Variants in PHACTR4 observed in about 807,000 individuals in gnomAD.
The protein encoded by PHACTR4 is protein phosphatase 1, regulatory subunit 124.
In PHACTR4, 51 loss-of-function variants were observed where a neutral mutation model predicts 72.7. The ratio of observed to expected loss-of-function variants is 0.70; its 90% CI spans 0.56 to 0.89. PHACTR4 has a LOEUF of 0.89. Among genes scored for constraint, PHACTR4 ranks in the 40% least tolerant of loss-of-function variants. The pLI, the probability that PHACTR4 is intolerant of heterozygous loss-of-function variation, is 0.00. For missense variants in PHACTR4, 731 were observed against 861.8 expected (o/e 0.85, Z 1.90); for synonymous variants, 255 against 302.5 (o/e 0.84, Z 1.63).
At chr1:28,378,339 TA>T (rs564072221) in intron 1 of PHACTR4, among the ~76,000 whole-genome samples, 202 of 134,908 alleles carry the variant, frequency 1.5e-3, no homozygotes, top group South Asian at 4.6e-3. Flanking sequence ...CCGTCTCTAC[TA>T]AAAAAAAAAA....
chr1:28,427,067 G>C (rs1655915680), intron 2 of PHACTR4, among the ~76,000 whole-genome samples: 2 of 152,256 alleles, frequency 1.3e-5, no homozygotes, highest in African/African-American at 4.8e-5. Context: ...ATCATGTGTG[G>C]CTAGTGGCCA....
At chr1:28,458,455 G>A (rs1018615713) in intron 2 of PHACTR4, among the ~76,000 whole-genome samples, 2 of 151,986 alleles carry the variant, frequency 1.3e-5, no homozygotes, top group African/African-American at 4.8e-5. Context: ...GCCTATGATT[G>A]TCTCTAAGGC....
At chr1:28,477,947 C>T (rs1316247693) in intron 8 of PHACTR4, among the ~76,000 whole-genome samples, 1 of 152,140 alleles carries the variant, frequency 6.6e-6, no homozygotes, top group African/African-American at 2.4e-5. Context: ...CCTCAGCTCC[C>T]AAAGTGCTGC....
intron 2 of PHACTR4, among the ~76,000 whole-genome samples, chr1:28,416,771 C>G (rs1416666083): frequency 6.6e-6 from 1 of 152,220 alleles, no homozygotes; most frequent in East Asian, 1.9e-4. Flanking sequence ...ATGTTTTCTT[C>G]CAGCCTGTGG....
intron 1 of PHACTR4, among the ~76,000 whole-genome samples, chr1:28,384,874 A>G (rs1229868157): frequency 6.6e-6 from 1 of 152,200 alleles, no homozygotes; most frequent in Admixed American, 6.6e-5. Flanking sequence ...CCTGGACAAC[A>G]GAGTGAGACT....
chr1:28,429,553 A>G (rs1208947593), intron 2 of PHACTR4, among the ~76,000 whole-genome samples: 2 of 152,188 alleles, frequency 1.3e-5, no homozygotes, highest in Non-Finnish European at 2.9e-5. Flanking sequence ...CCTACCTTGG[A>G]TGAATATAGT....
intron 8 of PHACTR4, among the ~76,000 whole-genome samples, chr1:28,476,772 C>CTTTTTTTTTTTCTTT (rs1659948821): frequency 1.0e-5 from 1 of 98,438 alleles, no homozygotes; most frequent in Non-Finnish European, 2.0e-5. Flanking sequence ...CTAGCCTGTT[C>CTTTTTTTTTTTCTTT]TTTTTTTTTT....
chr1:28,440,391 A>ATTTTT (rs1414224976), intron 2 of PHACTR4, among the ~76,000 whole-genome samples: 2,106 of 89,742 alleles, frequency 0.023, 311 homozygotes, highest in African/African-American at 0.1. Context: ...AAATTCATCA[A>ATTTTT]TTCTTTTTTT....
chr1:28,399,243 C>T lies in PHACTR4; in HGVS notation c.-38-8167C>T, dbSNP rs11247801. Among the ~76,000 whole-genome samples, 6 of 151,438 alleles carry T rather than the reference C, an allele frequency of 4.0e-5. No homozygotes were observed. In the East Asian group the frequency reaches 5.9e-4, roughly 15 times the overall value. ...AGGAGAATCGCTTGAATCCAGGAGG[C>T]GGGGGTTATAGTAAGCCAAGGTCAT... On this transcript the variant is annotated intron_variant, in intron 1 of 13. Transcript: ENST00000373839.
intron 1 of PHACTR4, among the ~76,000 whole-genome samples, chr1:28,404,647 T>C (rs1433496262): frequency 6.6e-6 from 1 of 152,194 alleles, no homozygotes; most frequent in Admixed American, 6.5e-5. Context: ...AAACTCTATG[T>C]TTAACTGTTT....
chr1:28,439,658 G>A (rs758444905), intron 2 of PHACTR4, among the ~76,000 whole-genome samples: 1 of 152,020 alleles, frequency 6.6e-6, no homozygotes, highest in Non-Finnish European at 1.5e-5. Flanking sequence ...AATCATCTGG[G>A]GCCACTCCCC....
chr1:28,412,200 A>G (rs1654835893), intron 2 of PHACTR4, among the ~76,000 whole-genome samples: 1 of 152,260 alleles, frequency 6.6e-6, no homozygotes, highest in African/African-American at 2.4e-5. Flanking sequence ...ATCACTAGCA[A>G]CAAATACTGT....
intron 2 of PHACTR4, among the ~76,000 whole-genome samples, chr1:28,415,714 G>A (rs963889600): frequency 7.2e-5 from 11 of 152,140 alleles, no homozygotes; most frequent in African/African-American, 2.7e-4. Context: ...TTAATGAGAT[G>A]TAGATTATCA....
intron 2 of PHACTR4, among the ~76,000 whole-genome samples, chr1:28,453,196 C>T (rs1658104213): frequency 6.6e-6 from 1 of 151,992 alleles, no homozygotes; most frequent in Non-Finnish European, 1.5e-5. Flanking sequence ...TCATAGCCAC[C>T]TCCTATTACT....
chr1:28,427,914 C>T (rs143323607), intron 2 of PHACTR4, among the ~76,000 whole-genome samples: 3 of 152,288 alleles, frequency 2.0e-5, no homozygotes, highest in African/African-American at 7.2e-5. Context: ...ACTTATTTTG[C>T]ATATAGCAAG....
At chr1:28,437,923 C>T (rs1656736939) in intron 2 of PHACTR4, among the ~76,000 whole-genome samples, 1 of 152,152 alleles carries the variant, frequency 6.6e-6, no homozygotes, top group Non-Finnish European at 1.5e-5. Flanking sequence ...TACTCAAAAC[C>T]ATCCTGGTGT....
At chr1:28,474,217 T>G in intron 7 of PHACTR4, 66 bp downstream of exon 7, 1 of 1,436,086 alleles carries the variant, frequency 7.0e-7, no homozygotes, top group Non-Finnish European at 9.4e-7. Flanking sequence ...TGGAAAAAAT[T>G]ACTTATAAAA....
intron 6 of PHACTR4, among the ~76,000 whole-genome samples, chr1:28,467,466 AT>A (rs1350207463): frequency 6.6e-6 from 1 of 151,522 alleles, no homozygotes; most frequent in African/African-American, 2.4e-5. Context: ...CCTGCATGGA[AT>A]TATCTGTGGC....
chr1:28,399,283 G>T (rs1022335766), intron 1 of PHACTR4, among the ~76,000 whole-genome samples: 2 of 152,178 alleles, frequency 1.3e-5, no homozygotes, highest in Non-Finnish European at 2.9e-5. Flanking sequence ...CTGCACTCCA[G>T]CCTGGGCGAC....
Sources: gnomAD v4.1 joint callset for allele counts (sites outside exome capture counted in the v4.1 genomes callset) on GRCh38, gnomAD v4.1.1 for gene constraint, MANE v1.5 for transcripts, NCBI Gene and HGNC (gene_info 2026-07-23, HGNC 2026-07-21) for gene names.